The following DNAH5 variants were observed in gnomAD, a reference collection of about 807,000 sequenced individuals.
DNAH5 encodes dynein axonemal heavy chain 5, also known as axonemal beta dynein heavy chain 5.
Under a neutral mutation model 518.2 loss-of-function variants are expected in DNAH5, and 372 were observed. The observed-to-expected ratio is 0.72, with a 90% CI of 0.66 to 0.78. DNAH5 has a LOEUF of 0.78. Among genes scored for constraint, DNAH5 ranks in the 30% least tolerant of loss-of-function variants. DNAH5 has a pLI of 0.00. For missense variants in DNAH5, 5,523 were observed against 5,687.0 expected (o/e 0.97, Z 0.93); for synonymous variants, 2,039 against 2,025.9 (o/e 1.01, Z -0.17).
intron 67 of DNAH5, 130 bp from the exon 68 acceptor site, chr5:13,735,451 C>T: frequency 3.6e-6 from 3 of 828,126 alleles, no homozygotes; most frequent in South Asian, 1.6e-5. Flanking sequence ...CAAGAGAAAG[C>T]CTCCTAAATC....
chr5:13,771,022 A>C, intron 55 of DNAH5, 42 bp from the exon 56 acceptor site: 3 of 1,488,508 alleles, frequency 2.0e-6, no homozygotes, highest in Non-Finnish European at 2.8e-6. Context: ...TATGTATGTA[A>C]GTTACCCTTT....
intron 62 of DNAH5, among the ~76,000 whole-genome samples, 183 bp downstream of exon 62, chr5:13,754,019 AT>A (rs925978007): frequency 7.4e-4 from 112 of 151,908 alleles, no homozygotes; most frequent in African/African-American, 2.4e-3. Flanking sequence ...ACACACAGGA[AT>A]TTTTTTTTAA....
At position 13,692,120 on chromosome 5, in the gene DNAH5, C is replaced by G; in HGVS notation, c.13739G>C (p.Arg4580Pro). The stretch of plus-strand genomic sequence containing the variant: ...CTTATAGATGGGACAGGAGTAAAAC[C>G]GAGGATCTCGTAAAGCTACAAAAAA... ...YAENNTLRDPRFYSCPIYKKP... is the reference protein window; with the variant it reads ...YAENNTLRDPPFYSCPIYKKP... The change falls in exon 79 of 79, where the codon CGG becomes CCG. Residue 4580 changes from arginine to proline, a missense_variant. This residue lies in a region of DNAH5 where 387 missense variants were observed against 430.0 expected (regional missense o/e 0.90). Coordinates refer to ENST00000265104, the MANE Select transcript of DNAH5 (RefSeq NM_001369.3). 6.2e-7 allele frequency: 1 copy of G among 1,613,874 alleles called. No individual in the cohort carries two copies. The highest frequency in any genetic ancestry group is 8.5e-7 in the Non-Finnish European group (1 of 1,179,940).
At chr5:13,999,152 G>A (rs749455996) in intron 1 of DNAH5, among the ~76,000 whole-genome samples, 19 of 152,214 alleles carry the variant, frequency 1.2e-4, no homozygotes, top group South Asian at 4.1e-4. Flanking sequence ...GATTACAGGC[G>A]TGAGCCACGA....
chr5:13,718,840 G>A lies in DNAH5; in HGVS notation c.12499+42C>T, dbSNP rs767274780. ...TAATTTTTTTAGGAAAACAATTTAAGTAAGGAAACTCCTGTAGACTCGCAA... is the reference window on the plus strand; with the variant it reads ...TAATTTTTTTAGGAAAACAATTTAAATAAGGAAACTCCTGTAGACTCGCAA... On this transcript the variant is annotated intron_variant, in intron 72 of 78. Coordinates refer to ENST00000265104, the MANE Select transcript of DNAH5 (RefSeq NM_001369.3). The A allele has an allele frequency of 3.3e-6, 5 of 1,508,292 alleles. No homozygotes were observed. In the South Asian group the frequency reaches 5.6e-5, roughly 17 times the overall value. The allele number at this position is 1,508,292 out of a possible 1,614,324, so 93.4% of individuals were successfully genotyped here.
chr5:14,006,289 A>G (rs1784720399), intron 1 of DNAH5, among the ~76,000 whole-genome samples: 1 of 152,214 alleles, frequency 6.6e-6, no homozygotes, highest in Admixed American at 6.5e-5. Context: ...AGGCTATAAC[A>G]GGGACTAACT....
At chr5:13,926,016 G>T (rs558129296) in intron 3 of DNAH5, among the ~76,000 whole-genome samples, 31 of 152,264 alleles carry the variant, frequency 2.0e-4, no homozygotes, top group African/African-American at 7.2e-4. Context: ...CAAAATGACT[G>T]GGATATGACA....
chr5:13,834,841 G>A (rs1198606438), intron 35 of DNAH5, among the ~76,000 whole-genome samples: 4 of 152,246 alleles, frequency 2.6e-5, no homozygotes, highest in African/African-American at 7.2e-5. Flanking sequence ...ACAGGCCCAC[G>A]TGAGGACGTT....
At chr5:13,871,512 G>A (rs1219661497) in intron 23 of DNAH5, 52 bp downstream of exon 23, 3 of 1,448,182 alleles carry the variant, frequency 2.1e-6, no homozygotes, top group South Asian at 1.1e-5. Context: ...AGGTAAAGAG[G>A]CAGAACAATA....
chr5:13,870,809 C>G lies in DNAH5; in HGVS notation c.3792G>C (p.Arg1264Ser), dbSNP rs769589158. The G allele has an allele frequency of 6.7e-5, 108 of 1,613,616 alleles. No homozygotes were observed. The highest frequency in any genetic ancestry group is 8.6e-5 in the Non-Finnish European group (101 of 1,179,818). ...RIAMAALKEI[R>S]EEQISIDFQV... ...GAAAGTCAATGGAGATTTGCTCCTC[C>G]CTTATTTCTTTCAGCGCTGCCATTG... is the stretch of plus-strand genomic sequence containing the variant. The change falls in exon 24 of 79, where the codon AGG (arginine) becomes AGC (serine). Residue 1264 changes from arginine (R) to serine (S), a missense_variant. By Grantham distance (110) the Arg-to-Ser change is moderately radical. Around this residue, in one of 3 missense-constraint regions of DNAH5, gnomAD observed 5,121 missense variants for 5,223.3 expected, o/e 0.98. Transcript: ENST00000265104.
intron 12 of DNAH5, among the ~76,000 whole-genome samples, chr5:13,902,623 T>G (rs1774787710): frequency 6.6e-6 from 1 of 152,190 alleles, no homozygotes. Flanking sequence ...AGCTACTCAC[T>G]TCTACCACTG....
chr5:13,775,234 G>A (rs1235364310), intron 55 of DNAH5, among the ~76,000 whole-genome samples: 1 of 151,074 alleles, frequency 6.6e-6, no homozygotes, highest in Non-Finnish European at 1.5e-5. Flanking sequence ...AAGACAAAAG[G>A]CAGAACTGTG....
chr5:13,985,944 C>T (rs1315728838), intron 1 of DNAH5, among the ~76,000 whole-genome samples: 1 of 152,152 alleles, frequency 6.6e-6, no homozygotes, highest in Non-Finnish European at 1.5e-5. Flanking sequence ...TTCAGATGGG[C>T]ATTTTGGTTT....
chr5:13,834,507 C>G (rs1439269161), intron 35 of DNAH5, among the ~76,000 whole-genome samples: 2 of 152,170 alleles, frequency 1.3e-5, no homozygotes, highest in Non-Finnish European at 2.9e-5. Flanking sequence ...TATTCAAGAA[C>G]TATTTATTTA....
At chr5:14,000,447 T>C (rs927899344) in intron 1 of DNAH5, among the ~76,000 whole-genome samples, 2 of 152,218 alleles carry the variant, frequency 1.3e-5, no homozygotes, top group Non-Finnish European at 2.9e-5. Context: ...GATAATTTAG[T>C]GCTGCGGCCC....
At position 13,876,824 on chromosome 5, in the gene DNAH5, A is replaced by C. The variant is rs1442983174; in HGVS notation, c.3263-7T>G. On this transcript the variant is annotated splice_region_variant and splice_polypyrimidine_tract_variant and intron_variant, in intron 21 of 78. Coordinates refer to ENST00000265104, the MANE Select transcript of DNAH5 (RefSeq NM_001369.3). ...GATGCTATCTCCAAGGTATCTAAAA[A>C]GAAAAAAAGAAGAGAAAACTTTACA... is the stretch of plus-strand genomic sequence containing the variant. 6.2e-7 allele frequency: 1 copy of C among 1,613,052 alleles called. No individual in the cohort carries two copies. The highest frequency in any genetic ancestry group is 2.2e-5 in the East Asian group (1 of 44,860).
chr5:13,735,111 G>A lies in DNAH5; in HGVS notation c.11761+20C>T. The A allele has an allele frequency of 1.2e-6, 2 of 1,611,656 alleles. No individual in the cohort carries two copies. Among genetic ancestry groups the A allele is most frequent in the Middle Eastern group, 1.7e-4 (1 of 5,838 alleles). ...CCTCCATCTGCACCTGTGCGCTATA[G>A]TCTCTATTCTTATATTGACCTTTAA... On this transcript the variant is annotated intron_variant, in intron 68 of 78. Transcript: ENST00000265104.
rs188088000 is a variant in DNAH5 at position 13,735,318 on chromosome 5, A to G, written c.11574T>C (p.Ser3858=). 4.3e-6 allele frequency: 7 copies of G among 1,613,964 alleles called. No individual in the cohort carries two copies. Among genetic ancestry groups the G allele is most frequent in the Non-Finnish European group, 5.9e-6 (7 of 1,179,918 alleles). ...TCTTGCTTGTAATCGGGCTCTTGAC[A>G]GACCTGGTGAATAGAATATTTAAAT... ...LGLFDLSLAR[S]VKSPITSKRI... Residue 3858 remains serine (S), a synonymous_variant, in exon 68 of 79, where the codon TCT becomes TCC. Transcript: ENST00000265104.
intron 49 of DNAH5, among the ~76,000 whole-genome samples, 171 bp downstream of exon 49, chr5:13,793,344 T>C (rs974609060): frequency 2.6e-5 from 4 of 152,094 alleles, no homozygotes; most frequent in Admixed American, 2.0e-4. Flanking sequence ...AGGAAACACC[T>C]AGAATCAATC....
Sources: allele counts gnomAD v4.1 joint callset (sites outside exome capture counted in the v4.1 genomes callset), GRCh38; gene constraint gnomAD v4.1.1; regional missense constraint gnomAD v4.1.1; transcripts MANE v1.5; gene names NCBI Gene and HGNC (gene_info 2026-07-23, HGNC 2026-07-21).